The following ECPAS variants were observed in gnomAD, a reference collection of about 807,000 sequenced individuals.
The protein encoded by ECPAS is proteasome adapter and scaffold protein ECM29.
A neutral mutation model predicts 255.1 loss-of-function variants in ECPAS; 70 were observed. That is an observed-to-expected ratio of 0.27 (90% CI 0.23 to 0.33). The LOEUF (loss-of-function observed/expected upper bound fraction) is 0.33, where lower values mean the gene tolerates loss of function less well. ECPAS is among the 10% of genes least tolerant of loss of function. The pLI is 1.00. For synonymous variants in ECPAS, 784 were observed against 775.0 expected, an observed-to-expected ratio of 1.01 and a Z score of -0.19; for missense variants, 1,817 against 2,206.4, an observed-to-expected ratio of 0.82 and a Z score of 3.54.
chr9:111,399,990 T>C (rs2098173321), intron 24 of ECPAS, among the ~76,000 whole-genome samples: 1 of 152,246 alleles, frequency 6.6e-6, no homozygotes, highest in South Asian at 2.1e-4. Context: ...AGCATGGTGC[T>C]AGCTGCTGTG....
At chr9:111,465,368 T>C (rs1470837845) in intron 2 of ECPAS, among the ~76,000 whole-genome samples, 2 of 151,994 alleles carry the variant, frequency 1.3e-5, no homozygotes, top group East Asian at 3.9e-4. Flanking sequence ...GGTGAAACCC[T>C]GTCTCTACTT....
chr9:111,400,408 A>AACATGTTCGAAAT (rs2098174070), intron 24 of ECPAS, among the ~76,000 whole-genome samples: 1 of 152,224 alleles, frequency 6.6e-6, no homozygotes, highest in Non-Finnish European at 1.5e-5. Context: ...ATGTTCGAAA[A>AACATGTTCGAAAT]AACATTCACC....
chr9:111,399,344 T>C (rs143420123), intron 24 of ECPAS, among the ~76,000 whole-genome samples: 36 of 152,308 alleles, frequency 2.4e-4, no homozygotes, highest in African/African-American at 7.9e-4. Flanking sequence ...AAGAGGAGAC[T>C]GACTGAATAG....
At position 111,422,167 on chromosome 9, in the gene ECPAS, C is replaced by T. The variant is rs754723673; in HGVS notation, c.1299G>A (p.Ala433=). 92 of 1,613,588 alleles carry T rather than the reference C, an allele frequency of 5.7e-5. No homozygotes were observed. The South Asian group carries it at 6.8e-4, about 12-fold the overall frequency. The change falls in exon 14 of 50, where the codon GCG becomes GCA. Residue 433 remains alanine (A), a synonymous_variant. Transcript: ENST00000684092. ...RMPHLFTKDI[A]LVQQLFEALC... ...GGGCTTCAAAAAGCTGCTGCACAAG[C>T]GCTATATCCTTAGTGAATAAATGTG...
intron 6 of ECPAS, among the ~76,000 whole-genome samples, chr9:111,438,951 AAG>A (rs1455999764): frequency 6.6e-6 from 1 of 152,242 alleles, no homozygotes; most frequent in African/African-American, 2.4e-5. Flanking sequence ...TCAGGAAAGA[AAG>A]AAGATGAAAA....
At chr9:111,417,766 A>G (rs1426636202) in intron 17 of ECPAS, 117 bp downstream of exon 17, 4 of 1,099,098 alleles carry the variant, frequency 3.6e-6, no homozygotes, top group Non-Finnish European at 5.0e-6. Flanking sequence ...AAAGAAAAGA[A>G]AAGAAAAAGA....
chr9:111,391,272 G>T (rs575914453), intron 29 of ECPAS, among the ~76,000 whole-genome samples: 1 of 152,004 alleles, frequency 6.6e-6, no homozygotes, highest in Non-Finnish European at 1.5e-5. Context: ...TGTTTCCCAG[G>T]ACACTCAATT....
At chr9:111,444,992 CTTTT>C (rs373389870) in intron 3 of ECPAS, among the ~76,000 whole-genome samples, 66 of 105,586 alleles carry the variant, frequency 6.3e-4, no homozygotes, top group East Asian at 1.7e-3. Context: ...CTGCTCCTGG[CTTTT>C]TTTTTTTTTT....
At chr9:111,398,456 A>G (rs866525421) in intron 24 of ECPAS, among the ~76,000 whole-genome samples, 11 of 152,184 alleles carry the variant, frequency 7.2e-5, no homozygotes, top group African/African-American at 2.7e-4. Flanking sequence ...TAAATAATCC[A>G]GAAATAAAGG....
At chr9:111,373,922 C>T (rs1349252401) in intron 39 of ECPAS, 50 bp downstream of exon 39, 1 of 1,387,962 alleles carries the variant, frequency 7.2e-7, no homozygotes, top group Non-Finnish European at 1.0e-6. Flanking sequence ...CTCTGTCACA[C>T]AAGACAGGGC....
intron 46 of ECPAS, among the ~76,000 whole-genome samples, chr9:111,367,580 C>T (rs1036133850): frequency 6.6e-6 from 1 of 152,108 alleles, no homozygotes; most frequent in Non-Finnish European, 1.5e-5. Flanking sequence ...CAGTCTATAA[C>T]ATAATATTAA....
intron 47 of ECPAS, 84 bp downstream of exon 47, chr9:111,366,438 T>C (rs1019441517): frequency 2.4e-5 from 31 of 1,308,554 alleles, no homozygotes; most frequent in Non-Finnish European, 3.4e-5. Context: ...CTACCAGTTT[T>C]TAAATGTATA....
chr9:111,406,606 T>TA (rs2098184352), intron 24 of ECPAS, among the ~76,000 whole-genome samples: 1 of 149,778 alleles, frequency 6.7e-6, no homozygotes, highest in Non-Finnish European at 1.5e-5. Flanking sequence ...TGTATCAATT[T>TA]AAAAAATTAA....
intron 4 of ECPAS, among the ~76,000 whole-genome samples, chr9:111,443,008 A>G (rs1017191816): frequency 2.6e-5 from 4 of 152,226 alleles, no homozygotes; most frequent in Admixed American, 1.3e-4. Context: ...AAACTTTATG[A>G]GTGCCAACAA....
At chr9:111,388,608 T>C (rs1018369930) in intron 31 of ECPAS, among the ~76,000 whole-genome samples, 6 of 151,978 alleles carry the variant, frequency 3.9e-5, no homozygotes, top group African/African-American at 1.2e-4. Context: ...CAATCTAACT[T>C]GCATTTTTAA....
chr9:111,368,855 G>A (rs1021102103), intron 46 of ECPAS, among the ~76,000 whole-genome samples, 180 bp downstream of exon 46: 2 of 152,224 alleles, frequency 1.3e-5, no homozygotes, highest in African/African-American at 4.8e-5. Context: ...AGCTACAGCG[G>A]TACAATGATC....
At position 111,361,944 on chromosome 9, in the gene ECPAS, T is replaced by C; in HGVS notation, c.*86A>G. 5 of 1,490,886 alleles carry C rather than the reference T, an allele frequency of 3.4e-6. No homozygotes were observed. The Admixed American group carries it at 1.0e-4, about 30-fold the overall frequency. 92.4% of individuals were successfully genotyped at this position (1,490,886 alleles called of 1,614,324 possible). On this transcript the variant is annotated 3_prime_UTR_variant, in exon 50 of 50. Coordinates refer to ENST00000684092, the MANE Select transcript of ECPAS (RefSeq NM_001364929.1). ...ATGATGCATGCTACAGATTAATCTT[T>C]ACTTTTTCCCACTTGGTTTTTCAAA...
intron 3 of ECPAS, among the ~76,000 whole-genome samples, chr9:111,451,003 T>A (rs553044766): frequency 1.3e-5 from 2 of 152,354 alleles, no homozygotes; most frequent in South Asian, 4.1e-4. Flanking sequence ...TGCAGAATCC[T>A]GAAACAGGAG....
chr9:111,469,128 T>G (rs1339593259), intron 2 of ECPAS, among the ~76,000 whole-genome samples: 1 of 152,114 alleles, frequency 6.6e-6, no homozygotes, highest in African/African-American at 2.4e-5. Flanking sequence ...TCCCAGCTAT[T>G]TGGGAGGCTG....
Sources: allele counts gnomAD v4.1 joint callset (sites outside exome capture counted in the v4.1 genomes callset), GRCh38; gene constraint gnomAD v4.1.1; transcripts MANE v1.5; gene names NCBI Gene and HGNC (gene_info 2026-07-23, HGNC 2026-07-21).